ARMCX2: variants seen among roughly 807,000 people sequenced by gnomAD.
ARMCX2 encodes the protein armadillo repeat containing X-linked 2, also known as armadillo repeat-containing X-linked protein 2.
A neutral mutation model predicts 17.0 loss-of-function variants in ARMCX2; 2 were observed. The ratio of observed to expected loss-of-function variants is 0.12; its 90% CI spans 0.05 to 0.37. The LOEUF (loss-of-function observed/expected upper bound fraction) is 0.37, where lower values mean the gene tolerates loss of function less well. ARMCX2 is among the 10% of genes least tolerant of loss of function. The pLI is 1.00. For synonymous variants in ARMCX2, 182 were observed against 195.2 expected (o/e 0.93, Z 0.57); for missense variants, 408 against 497.7 (o/e 0.82, Z 1.72).
Position 101,656,158 on chromosome X carries a change from C to T in ARMCX2, c.1431G>A (p.Met477Ile). The T allele has an allele frequency of 8.3e-7, 1 of 1,210,101 alleles. No individual in the cohort carries two copies. The highest frequency in any genetic ancestry group is 3.0e-5 in the East Asian group (1 of 33,803). The change falls in exon 6 of 6, where the codon ATG becomes ATA. Residue 477 changes from methionine (M) to isoleucine (I), a missense_variant. Around this residue, in one of 2 missense-constraint regions of ARMCX2, gnomAD observed 101 missense variants for 170.9 expected, o/e 0.59. Coordinates refer to ENST00000356824, the MANE Select transcript of ARMCX2 (RefSeq NM_177949.4). Reference protein sequence around the residue: ...VYMNKVMDDIMASNLNSAVQV... With the variant: ...VYMNKVMDDIIASNLNSAVQV... ...GAACTGCTGAGTTCAGGTTAGAGGC[C>T]ATGATATCATCCATCACTTTATTCA...
Position 101,657,622 on chromosome X carries a change from T to C in ARMCX2, c.-34A>G. The C allele has an allele frequency of 8.6e-7, 1 of 1,160,648 alleles. No individual in the cohort carries two copies. The highest frequency in any genetic ancestry group is 1.2e-6 in the Non-Finnish European group (1 of 857,248). On this transcript the variant is annotated 5_prime_UTR_variant, in exon 6 of 6. Transcript: ENST00000356824. ...TGGGGTTATTCACTGATCCAGGGCG[T>C]GGAACTGGATTGCTTAAGGTTAAGG...
Position 101,657,445 on chromosome X carries a change from C to G in ARMCX2, c.144G>C (p.Gly48=). The change falls in exon 6 of 6, where the codon GGG becomes GGC. Residue 48 remains glycine, a synonymous_variant. Transcript: ENST00000356824. ...MAKPKNRAVA[G]TGARARAGLR... ...GCCCAGCTCTAGCCCTGGCTCCAGT[C>G]CCAGCCACAGCCCGGTTTTTGGGCT... 1 of 1,212,366 alleles carries G rather than the reference C, an allele frequency of 8.2e-7. No homozygotes were observed. Among genetic ancestry groups the G allele is most frequent in the Non-Finnish European group, 1.1e-6 (1 of 895,657 alleles).
chrX:101,657,135 C>G lies in ARMCX2; in HGVS notation c.454G>C (p.Ala152Pro). The G allele has an allele frequency of 5.9e-6, 7 of 1,190,196 alleles. No individual in the cohort carries two copies. The highest frequency in any genetic ancestry group is 7.9e-6 in the Non-Finnish European group (7 of 885,880). The change falls in exon 6 of 6, where the codon GCA (alanine) becomes CCA (proline). Residue 152 changes from alanine to proline, a missense_variant. Ala to Pro is a conservative substitution (Grantham distance 27, BLOSUM62 -1). Transcript: ENST00000356824. ...GCCCCTGCCATTGCAGGGGCTTCTG[C>G]AGCCCCAAGGGCCTCTGTCACCCCG... ...PPGVTEALGA[A>P]EAPAMAGAPK...
chrX:101,657,827 C>T (rs1556074802), intron 5 of ARMCX2, 112 bp from the exon 6 acceptor site: 2 of 358,641 alleles, frequency 5.6e-6, no homozygotes, highest in Non-Finnish European at 9.8e-6. Flanking sequence ...GGCTAGCACC[C>T]AGACACAGGT....
In ARMCX2 at chrX:101,657,580, G is replaced by A. The variant is rs1420285805; in HGVS notation, c.9C>T (p.Arg3=). 5.8e-6 allele frequency: 7 copies of A among 1,205,195 alleles called. No individual in the cohort carries two copies. Among genetic ancestry groups the A allele is most frequent in the African/African-American group, 1.7e-5 (1 of 57,186 alleles). Residue 3 remains arginine, a synonymous_variant, in exon 6 of 6, where the codon CGC becomes CGT. Coordinates refer to ENST00000356824, the MANE Select transcript of ARMCX2 (RefSeq NM_177949.4). The part of the protein sequence containing the change: MS[R]VRDAGCVAAG... ...CCGCTACACAGCCAGCATCCCGAAC[G>A]CGGCTCATGGTGCAGCTGGGGTTAT...
Position 101,657,596 on chromosome X carries a change from C to A in ARMCX2, c.-8G>T. ...ATCCCGAACGCGGCTCATGGTGCAG[C>A]TGGGGTTATTCACTGATCCAGGGCG... On this transcript the variant is annotated 5_prime_UTR_variant, in exon 6 of 6. Coordinates refer to ENST00000356824, the MANE Select transcript of ARMCX2 (RefSeq NM_177949.4). The A allele has an allele frequency of 8.3e-7, 1 of 1,201,427 alleles. No individual in the cohort carries two copies. The highest frequency in any genetic ancestry group is 1.1e-6 in the Non-Finnish European group (1 of 888,766).
chrX:101,657,581 C>A lies in ARMCX2; in HGVS notation c.8G>T (p.Arg3Leu). The A allele has an allele frequency of 8.3e-7, 1 of 1,206,772 alleles. No homozygotes were observed. The highest frequency in any genetic ancestry group is 1.1e-6 in the Non-Finnish European group (1 of 892,375). The change falls in exon 6 of 6, where the codon CGC becomes CTC. Residue 3 changes from arginine (R) to leucine (L), a missense_variant. By Grantham distance (102) the Arg-to-Leu change is moderately radical. Around this residue, in one of 2 missense-constraint regions of ARMCX2, gnomAD observed 307 missense variants for 326.8 expected, o/e 0.94. Transcript: ENST00000356824. The part of the protein sequence containing the change: MS[R>L]VRDAGCVAAG... ...CGCTACACAGCCAGCATCCCGAACG[C>A]GGCTCATGGTGCAGCTGGGGTTATT...
intron 4 of ARMCX2, 61 bp from the exon 5 acceptor site, chrX:101,658,203 C>T (rs1476722847): frequency 1.8e-5 from 2 of 112,078 alleles, no homozygotes; most frequent in Non-Finnish European, 3.8e-5. Flanking sequence ...GGTTCTTTTC[C>T]TGATTTGGGC....
intron 2 of ARMCX2, 123 bp downstream of exon 2, chrX:101,659,296 G>A (rs2147417647): frequency 9.1e-6 from 1 of 109,590 alleles, no homozygotes; most frequent in Admixed American, 9.7e-5. Flanking sequence ...AAATCACAGA[G>A]GGTCGGCTGG....
chrX:101,658,200 T>A (rs1936410667), intron 4 of ARMCX2, 58 bp from the exon 5 acceptor site: 1 of 112,125 alleles, frequency 8.9e-6, no homozygotes, highest in African/African-American at 3.2e-5. Flanking sequence ...TCTGGTTCTT[T>A]TCCTGATTTG....
chrX:101,655,604 T>C lies in ARMCX2; in HGVS notation c.*86A>G. The C allele has an allele frequency of 1.3e-6, 1 of 762,420 alleles. No homozygotes were observed. The allele number at this position is 762,420 out of a possible 1,213,427, so 62.8% of individuals were successfully genotyped here. A position where few individuals can be genotyped will look rare whatever the true frequency, so the allele number is the denominator to read the frequency against. ...AGGATCCCTTTACTATATGAGCAAGTGGAAAAGCAGTAACTTTCAATTTTC... is the reference window on the plus strand; with the variant it reads ...AGGATCCCTTTACTATATGAGCAAGCGGAAAAGCAGTAACTTTCAATTTTC... On this transcript the variant is annotated 3_prime_UTR_variant, in exon 6 of 6. Coordinates refer to ENST00000356824, the MANE Select transcript of ARMCX2 (RefSeq NM_177949.4).
chrX:101,657,110 GCCCCTGCCATTGCAGGGGCTT>G lies in ARMCX2; in HGVS notation c.458_478del (p.Glu153_Gly159del). The G allele has an allele frequency of 8.4e-7, 1 of 1,193,136 alleles. No homozygotes were observed. On this transcript the variant is annotated inframe_deletion, in exon 6 of 6. Coordinates refer to ENST00000356824, the MANE Select transcript of ARMCX2 (RefSeq NM_177949.4). ...TCTGGGAGCTTCTGCCACTTTGGGA[GCCCCTGCCATTGCAGGGGCTT>G]CTGCAGCCCCAAGGGCCTCTGTCAC...
chrX:101,657,357 C>T lies in ARMCX2; in HGVS notation c.232G>A (p.Glu78Lys). 8.3e-7 allele frequency: 1 copy of T among 1,211,978 alleles called. No homozygotes were observed. The highest frequency in any genetic ancestry group is 1.7e-5 in the African/African-American group (1 of 57,956). Residue 78 changes from glutamate to lysine, a missense_variant, in exon 6 of 6, where the codon GAA becomes AAA. This residue lies in a region of ARMCX2 where 307 missense variants were observed against 326.8 expected (regional missense o/e 0.94). Transcript: ENST00000356824. ...GFSPPTPVRA[E>K]AEDRAQDEAS... The stretch of plus-strand genomic sequence containing the variant: ...TCATCCTGGGCCCTGTCCTCTGCTT[C>T]AGCACGGACTGGGGTTGGGGGACTG...
In ARMCX2 at chrX:101,658,072, C is replaced by CCTT. The variant is rs76886116; in HGVS notation, c.-128_-128+1insAAG. ...TACATGGTGCTCATGCACATACCAA[C>CCTT]CTGGGATCAAGAGCAGTTTGCTTTT... On this transcript the variant is annotated splice_region_variant and 5_prime_UTR_variant. Coordinates refer to ENST00000356824, the MANE Select transcript of ARMCX2 (RefSeq NM_177949.4). 0.18 allele frequency: 20,609 copies of CCTT among 115,597 alleles called. 1,588 individuals carry two copies. Among genetic ancestry groups the CCTT allele is most frequent in the African/African-American group, 0.29 (8,836 of 30,458 alleles). The allele number at this position is 115,597 out of a possible 1,213,427, so 9.5% of individuals were successfully genotyped here.
At chrX:101,658,547 T>C (rs1936435843) in intron 3 of ARMCX2, 22 bp from the exon 4 acceptor site, 1 of 112,265 alleles carries the variant, frequency 8.9e-6, no homozygotes, top group Non-Finnish European at 1.9e-5. Context: ...AAATATAGAC[T>C]GTCGACGTTA....
Position 101,656,891 on chromosome X carries a change from G to A in ARMCX2, c.698C>T (p.Thr233Ile), listed in dbSNP as rs1355850633. 8.3e-7 allele frequency: 1 copy of A among 1,210,183 alleles called. No individual in the cohort carries two copies. The highest frequency in any genetic ancestry group is 1.1e-6 in the Non-Finnish European group (1 of 894,530). Reference sequence around the variant, plus strand: ...AGTTCCAGGAGACTCTGCAGCCCCAGTAGGTGCTGCAGCCCCAGTAGGCGT... The same window carrying A: ...AGTTCCAGGAGACTCTGCAGCCCCAATAGGTGCTGCAGCCCCAGTAGGCGT... ...PATPTGAAAP[T>I]GAAESPGTSG... Residue 233 changes from threonine to isoleucine, a missense_variant, in exon 6 of 6, where the codon ACT becomes ATT. Thr to Ile is a moderately conservative substitution (Grantham distance 89). Transcript: ENST00000356824.
Position 101,656,203 on chromosome X carries a change from C to T in ARMCX2, c.1386G>A (p.Gln462=). The T allele has an allele frequency of 8.3e-7, 1 of 1,209,765 alleles. No homozygotes were observed. Among genetic ancestry groups the T allele is most frequent in the Non-Finnish European group, 1.1e-6 (1 of 894,059 alleles). Residue 462 remains glutamine, a synonymous_variant, in exon 6 of 6, where the codon CAG becomes CAA. Transcript: ENST00000356824. ...TATTCATGTACACCTGAAGCCGGCC[C>T]TGATTTTCATAATTCTCACTCAGGT... ...MNNLSENYEN[Q]GRLQVYMNKV... is the part of the protein sequence containing the mutation.
In ARMCX2 at chrX:101,657,265, C is replaced by G. The variant is rs1556066725; in HGVS notation, c.324G>C (p.Gln108His). 8.3e-7 allele frequency: 1 copy of G among 1,208,996 alleles called. No homozygotes were observed. The highest frequency in any genetic ancestry group is 1.8e-5 in the South Asian group (1 of 56,911). The stretch of plus-strand genomic sequence containing the variant: ...CTTGGGCCTGACTGCCTGCCCCACT[C>G]TGAGCCTCAGCGCTGGATGCAGCTG... ...VAPAASSAEAQSGAGSQAQEA... is the reference protein window; with the variant it reads ...VAPAASSAEAHSGAGSQAQEA... The change falls in exon 6 of 6, where the codon CAG becomes CAC. Residue 108 changes from glutamine (Q) to histidine (H), a missense_variant. Transcript: ENST00000356824.
chrX:101,657,468 G>T lies in ARMCX2; in HGVS notation c.121C>A (p.Pro41Thr), dbSNP rs782530973. Residue 41 changes from proline to threonine, a missense_variant, in exon 6 of 6, where the codon CCC becomes ACC. Physicochemically the swap from Pro to Thr is conservative, Grantham distance 38 (BLOSUM62 -1). Transcript: ENST00000356824. ...RDQTKKRMAK[P>T]KNRAVAGTGA... ...GTCCCAGCCACAGCCCGGTTTTTGG[G>T]CTTGGCCATTCTCTTCTTGGTCTGG... 3 of 1,210,635 alleles carry T rather than the reference G, an allele frequency of 2.5e-6. No homozygotes were observed. In the African/African-American group the frequency reaches 5.2e-5, roughly 21 times the overall value.
Sources: gnomAD v4.1 joint callset for allele counts on GRCh38, gnomAD v4.1.1 for gene constraint, gnomAD v4.1.1 regional missense constraint, MANE v1.5 for transcripts, NCBI Gene and HGNC (gene_info 2026-07-23, HGNC 2026-07-21) for gene names.